Variants in NTM observed in about 807,000 individuals in gnomAD.
NTM encodes the protein IgLON family member 2.
Under a neutral mutation model 42.1 loss-of-function variants are expected in NTM, and 13 were observed. The observed-to-expected ratio is 0.31, with a 90% CI of 0.20 to 0.49. The LOEUF (loss-of-function observed/expected upper bound fraction) is 0.49. Among genes scored for constraint, NTM ranks in the 20% least tolerant of loss-of-function variants. NTM has a pLI of 0.99. For missense variants in NTM, 373 were observed against 452.8 expected, an observed-to-expected ratio of 0.82 and a Z score of 1.60; for synonymous variants, 187 against 179.2, an observed-to-expected ratio of 1.04 and a Z score of -0.35.
intron 7 of NTM, among the ~76,000 whole-genome samples, chr11:132,319,717 G>T (rs983615064): frequency 6.6e-6 from 1 of 152,260 alleles, no homozygotes; most frequent in Non-Finnish European, 1.5e-5. Flanking sequence ...ACAAAAGACA[G>T]CAGTAACCTC....
At chr11:132,060,480 G>A (rs1447586564) in intron 2 of NTM, among the ~76,000 whole-genome samples, 2 of 136,480 alleles carry the variant, frequency 1.5e-5, no homozygotes, top group African/African-American at 5.0e-5. Flanking sequence ...GAGAGAAACT[G>A]GAATATTGGA....
At chr11:132,114,532 T>C (rs1267424852) in intron 2 of NTM, among the ~76,000 whole-genome samples, 4 of 152,214 alleles carry the variant, frequency 2.6e-5, no homozygotes, top group African/African-American at 9.6e-5. Flanking sequence ...CTGCCCTTTT[T>C]CCTTTGCTGC....
chr11:132,171,816 A>T (rs190133129), intron 3 of NTM, among the ~76,000 whole-genome samples: 81 of 152,330 alleles, frequency 5.3e-4, no homozygotes, highest in African/African-American at 1.9e-3. Flanking sequence ...TGCAGGAAAA[A>T]CAGATGAGCC....
At chr11:131,465,935 G>A (rs1951837871) in intron 1 of NTM, among the ~76,000 whole-genome samples, 1 of 152,230 alleles carries the variant, frequency 6.6e-6, no homozygotes, top group Non-Finnish European at 1.5e-5. Context: ...ACCACCAGAT[G>A]GCTGATGACC....
chr11:131,998,868 C>G (rs1031931894), intron 2 of NTM, among the ~76,000 whole-genome samples: 5 of 152,148 alleles, frequency 3.3e-5, no homozygotes, highest in Admixed American at 1.3e-4. Flanking sequence ...GAGAACCATA[C>G]CAGCGTGGGT....
chr11:132,050,529 A>G (rs905123069), intron 2 of NTM, among the ~76,000 whole-genome samples: 4 of 152,142 alleles, frequency 2.6e-5, no homozygotes, highest in African/African-American at 9.7e-5. Flanking sequence ...AGATCTTACC[A>G]TGAAGTGGGG....
At chr11:131,543,128 C>T (rs982561822) in intron 1 of NTM, among the ~76,000 whole-genome samples, 2 of 152,176 alleles carry the variant, frequency 1.3e-5, no homozygotes, top group African/African-American at 4.8e-5. Flanking sequence ...GTGTGTCCTA[C>T]TTGTGAGCCA....
chr11:131,572,402 A>G (rs986819879), intron 1 of NTM, among the ~76,000 whole-genome samples: 8 of 152,136 alleles, frequency 5.3e-5, no homozygotes, highest in African/African-American at 9.7e-5. Context: ...AATTAAAAGA[A>G]CCAAAACTGG....
At chr11:131,877,200 G>C (rs908799881) in intron 1 of NTM, among the ~76,000 whole-genome samples, 1 of 152,128 alleles carries the variant, frequency 6.6e-6, no homozygotes, top group Admixed American at 6.5e-5. Context: ...GCTGTGCTGG[G>C]ATTGTGCCCA....
chr11:131,530,817 G>C (rs2051157249), intron 1 of NTM, among the ~76,000 whole-genome samples: 1 of 152,112 alleles, frequency 6.6e-6, no homozygotes, highest in Non-Finnish European at 1.5e-5. Context: ...GATTAGACTA[G>C]AAAAATCAAG....
intron 1 of NTM, among the ~76,000 whole-genome samples, chr11:131,818,919 A>G (rs1057504035): frequency 2.6e-5 from 4 of 152,182 alleles, no homozygotes; most frequent in Non-Finnish European, 5.9e-5. Context: ...GTTGTTCTGC[A>G]TGAGTTCTGG....
Position 132,335,352 on chromosome 11 carries a change from G to C in NTM, c.*206G>C. ...TAAAAAAGAAATTGAAAATTGCCTT[G>C]CAGATATTTAGGTACAATGGAGTTT... is the stretch of plus-strand genomic sequence containing the variant. On this transcript the variant is annotated 3_prime_UTR_variant, in exon 9 of 9. Coordinates refer to ENST00000683400, the MANE Select transcript of NTM (RefSeq NM_001352005.2). The C allele has an allele frequency of 1.7e-6, 1 of 594,996 alleles. No individual in the cohort carries two copies. Among genetic ancestry groups the C allele is most frequent in the East Asian group, 3.1e-5 (1 of 32,608 alleles). 36.9% of individuals were successfully genotyped at this position (594,996 alleles called of 1,614,324 possible).
chr11:132,007,034 C>T, intron 2 of NTM, among the ~76,000 whole-genome samples: 1 of 152,202 alleles, frequency 6.6e-6, no homozygotes, highest in East Asian at 1.9e-4. Flanking sequence ...TCATGACATC[C>T]AGTGACTTTC....
At chr11:132,325,820 C>T (rs1443377811) in intron 7 of NTM, among the ~76,000 whole-genome samples, 17 of 151,810 alleles carry the variant, frequency 1.1e-4, no homozygotes, top group Admixed American at 2.0e-4. Context: ...ATATACACCA[C>T]GGAATACTAT....
At position 131,421,601 on chromosome 11, in the gene NTM, A is replaced by T. The variant is rs542582561; in HGVS notation, c.82+50713A>T. ...AGCCGGTTTCCCTAAGGGCCCATGG[A>T]GGAGATGACGGGGAGGTGACGTGGG... On this transcript the variant is annotated intron_variant, in intron 1 of 8. Transcript: ENST00000683400. 3.9e-5 allele frequency among the ~76,000 whole-genome samples: 6 copies of T among 152,310 alleles called. No individual in the cohort carries two copies. The South Asian group carries it at 1.0e-3, about 26-fold the overall frequency.
rs79481390 is a variant in NTM at position 132,032,576 on chromosome 11, T to G, written c.168-113706T>G. On this transcript the variant is annotated intron_variant, in intron 2 of 8. Transcript: ENST00000683400. ...GAGGTAAGAGCCATCGCTCTTCCTC[T>G]GTGTCTTAGTGACTAGGACCTTCTT... 5.2e-3 allele frequency among the ~76,000 whole-genome samples: 788 copies of G among 152,336 alleles called. 5 individuals are homozygous for G. Among genetic ancestry groups the G allele is most frequent in the Non-Finnish European group, 8.5e-3 (578 of 68,034 alleles).
chr11:131,803,315 T>G (rs1315893444), intron 1 of NTM, among the ~76,000 whole-genome samples: 1 of 151,628 alleles, frequency 6.6e-6, no homozygotes, highest in Non-Finnish European at 1.5e-5. Flanking sequence ...TTTTTTTTTC[T>G]TTCTTTTTCA....
intron 1 of NTM, among the ~76,000 whole-genome samples, chr11:131,605,451 T>G (rs2060865024): frequency 6.6e-6 from 1 of 152,262 alleles, no homozygotes; most frequent in African/African-American, 2.4e-5. Context: ...AATACTTTCT[T>G]AGTGGTTTCC....
At chr11:131,432,700 C>A in intron 1 of NTM, among the ~76,000 whole-genome samples, 1 of 152,034 alleles carries the variant, frequency 6.6e-6, no homozygotes, top group East Asian at 1.9e-4. Context: ...TCCAAGAATT[C>A]CATTCTCCAA....
Sources: allele counts gnomAD v4.1 joint callset (sites outside exome capture counted in the v4.1 genomes callset), GRCh38; gene constraint gnomAD v4.1.1; transcripts MANE v1.5; gene names NCBI Gene and HGNC (gene_info 2026-07-23, HGNC 2026-07-21).